EXOC4: variants seen among roughly 807,000 people sequenced by gnomAD.
EXOC4 encodes exocyst complex component 4, also known as SEC8-like 1.
EXOC4 carries 71 observed loss-of-function variants against 107.2 expected under a neutral mutation model. The observed-to-expected ratio is 0.66, with a 90% CI of 0.55 to 0.81. EXOC4 has a LOEUF of 0.81. EXOC4 is among the 30% of genes least tolerant of loss of function. The probability of loss-of-function intolerance (pLI) is 0.00; values close to 1 mark genes in which losing one functional copy is unlikely to be tolerated. For synonymous variants in EXOC4, 456 were observed against 441.2 expected (o/e 1.03, Z -0.42); for missense variants, 1,108 against 1,189.6 (o/e 0.93, Z 1.01).
chr7:133,987,271 G>T (rs1794137716), intron 14 of EXOC4, among the ~76,000 whole-genome samples: 1 of 152,100 alleles, frequency 6.6e-6, no homozygotes, highest in South Asian at 2.1e-4. Flanking sequence ...GACCAGCGTA[G>T]GCAACATAGC....
At chr7:133,331,461 CTTTTTTTTTTTT>C (rs58568173) in intron 5 of EXOC4, among the ~76,000 whole-genome samples, 9 of 85,604 alleles carry the variant, frequency 1.1e-4, no homozygotes, top group African/African-American at 3.6e-4. Context: ...TTTCTTTTTT[CTTTTTTTTTTTT>C]TTTTTTTTTT....
intron 10 of EXOC4, among the ~76,000 whole-genome samples, chr7:133,809,376 A>C (rs1474974291): frequency 6.6e-6 from 1 of 152,230 alleles, no homozygotes; most frequent in Non-Finnish European, 1.5e-5. Flanking sequence ...ACTTTTGATC[A>C]TGCAAAGCTT....
intron 9 of EXOC4, among the ~76,000 whole-genome samples, chr7:133,523,245 A>T (rs1800013357): frequency 6.6e-6 from 1 of 152,212 alleles, no homozygotes; most frequent in South Asian, 2.1e-4. Flanking sequence ...GTTCTGTTAA[A>T]GCAGACTCTA....
chr7:133,737,019 G>A (rs1457075078), intron 10 of EXOC4, among the ~76,000 whole-genome samples: 1 of 151,906 alleles, frequency 6.6e-6, no homozygotes, highest in African/African-American at 2.4e-5. Context: ...CTTTCTTTTT[G>A]TCACTAACAG....
In EXOC4 at chr7:133,500,450, G is replaced by A. The variant is rs539858099; in HGVS notation, c.1417+20312G>A. 1.3e-4 allele frequency among the ~76,000 whole-genome samples: 20 copies of A among 152,262 alleles called. No individual in the cohort carries two copies. The South Asian group carries it at 1.4e-3, about 11-fold the overall frequency. On this transcript the variant is annotated intron_variant, in intron 9 of 17. Coordinates refer to ENST00000253861, the MANE Select transcript of EXOC4 (RefSeq NM_021807.4). ...CACATAATGATGTTGACATTCATCCGCAGTGTTGCATTCTTCAGTAGTTGT... is the reference window on the plus strand; with the variant it reads ...CACATAATGATGTTGACATTCATCCACAGTGTTGCATTCTTCAGTAGTTGT...
intron 10 of EXOC4, among the ~76,000 whole-genome samples, chr7:133,745,328 A>G (rs1795651144): frequency 6.6e-6 from 1 of 152,108 alleles, no homozygotes; most frequent in Admixed American, 6.6e-5. Flanking sequence ...TTGAATCTCA[A>G]CTGTTCTTTT....
chr7:133,876,793 T>C (rs1798859150), intron 11 of EXOC4, among the ~76,000 whole-genome samples: 1 of 152,048 alleles, frequency 6.6e-6, no homozygotes, highest in Admixed American at 6.5e-5. Flanking sequence ...TCCTTTCAAA[T>C]CTCATTTCTT....
At chr7:134,095,770 G>A in the EXOC4 span, among the ~76,000 whole-genome samples, 703 of 152,234 alleles carry the variant, frequency 4.6e-3, 5 homozygotes, top group Non-Finnish European at 8.6e-3. Flanking sequence ...ATAGCCATAC[G>A]TAGAAAAATG....
chr7:133,928,904 A>C (rs1046161392), intron 13 of EXOC4, among the ~76,000 whole-genome samples: 7 of 149,144 alleles, frequency 4.7e-5, no homozygotes, highest in Admixed American at 4.7e-4. Flanking sequence ...TACTGGAAGA[A>C]TTTAGAAACA....
At chr7:133,819,776 C>T (rs566593134) in intron 11 of EXOC4, among the ~76,000 whole-genome samples, 2 of 152,270 alleles carry the variant, frequency 1.3e-5, no homozygotes, top group East Asian at 3.9e-4. Flanking sequence ...CAGTACATTA[C>T]AGAGTGAGTC....
chr7:134,026,115 C>G (rs1463275595), intron 17 of EXOC4, among the ~76,000 whole-genome samples: 4 of 152,080 alleles, frequency 2.6e-5, no homozygotes, highest in Non-Finnish European at 4.4e-5. Flanking sequence ...AATCATGAAG[C>G]TAAGACTTTC....
intron 11 of EXOC4, among the ~76,000 whole-genome samples, chr7:133,850,631 G>T (rs958613553): frequency 6.8e-6 from 1 of 147,322 alleles, no homozygotes; most frequent in Non-Finnish European, 1.5e-5. Context: ...GGTTATCTAG[G>T]TTACCCCCCC....
At chr7:134,095,253 G>A in the EXOC4 span, among the ~76,000 whole-genome samples, 12 of 151,746 alleles carry the variant, frequency 7.9e-5, no homozygotes, top group Non-Finnish European at 1.0e-4. Context: ...CTAGGAATAC[G>A]TATAACCAAG....
At chr7:133,506,824 TA>T (rs1799674935) in intron 9 of EXOC4, among the ~76,000 whole-genome samples, 1 of 152,130 alleles carries the variant, frequency 6.6e-6, no homozygotes, top group Admixed American at 6.5e-5. Flanking sequence ...AGGTTTAGCA[TA>T]TTTTTTGCAT....
chr7:133,843,476 G>C (rs1798062593), intron 11 of EXOC4, among the ~76,000 whole-genome samples: 1 of 152,108 alleles, frequency 6.6e-6, no homozygotes, highest in Non-Finnish European at 1.5e-5. Flanking sequence ...CTTGGATGTT[G>C]TTGGTGTATA....
intron 10 of EXOC4, among the ~76,000 whole-genome samples, chr7:133,712,234 G>A (rs1333792063): frequency 6.6e-6 from 1 of 152,058 alleles, no homozygotes; most frequent in Non-Finnish European, 1.5e-5. Flanking sequence ...GATGTTGGGA[G>A]TTCAAGAGTA....
rs188990902 is a variant in EXOC4 at position 134,038,267 on chromosome 7, C to G, written c.2688-26024C>G. Among the ~76,000 whole-genome samples the G allele has an allele frequency of 3.6e-4, 55 of 152,330 alleles. 1 individual carries two copies. Among genetic ancestry groups the G allele is most frequent in the Admixed American group, 1.9e-3 (29 of 15,304 alleles). On this transcript the variant is annotated intron_variant, in intron 17 of 17. Coordinates refer to ENST00000253861, the MANE Select transcript of EXOC4 (RefSeq NM_021807.4). ...TCACACGGCAAATTGAGGATTTTAACATGCAGCCCAACTTCTCCTGTGGAG... is the reference window on the plus strand; with the variant it reads ...TCACACGGCAAATTGAGGATTTTAAGATGCAGCCCAACTTCTCCTGTGGAG...
intron 14 of EXOC4, among the ~76,000 whole-genome samples, chr7:133,980,139 T>A (rs1198811877): frequency 6.6e-6 from 1 of 152,242 alleles, no homozygotes; most frequent in Non-Finnish European, 1.5e-5. Context: ...GTTCTCATAC[T>A]TCTATGATGC....
chr7:133,681,026 T>C (rs1378236106), intron 10 of EXOC4, among the ~76,000 whole-genome samples: 5 of 152,210 alleles, frequency 3.3e-5, no homozygotes, highest in African/African-American at 1.2e-4. Flanking sequence ...GGGCTCAGTT[T>C]TTGGTTGTGA....
Sources: allele counts gnomAD v4.1 joint callset (sites outside exome capture counted in the v4.1 genomes callset), GRCh38; gene constraint gnomAD v4.1.1; transcripts MANE v1.5; gene names NCBI Gene and HGNC (gene_info 2026-07-23, HGNC 2026-07-21).